Variants in YIPF4 observed in about 807,000 individuals in gnomAD.
The protein encoded by YIPF4 is protein YIPF4.
A neutral mutation model predicts 29.4 loss-of-function variants in YIPF4; 18 were observed. That is an observed-to-expected ratio of 0.61 (90% CI 0.42 to 0.91). YIPF4 has a LOEUF of 0.91. Ranked by LOEUF, YIPF4 falls within the 40% of genes least tolerant of loss-of-function variation. The probability of loss-of-function intolerance (pLI) is 0.00; values close to 1 mark genes in which losing one functional copy is unlikely to be tolerated. For synonymous variants in YIPF4, 115 were observed against 104.7 expected, an observed-to-expected ratio of 1.10 and a Z score of -0.60; for missense variants, 279 against 282.7, an observed-to-expected ratio of 0.99 and a Z score of 0.09.
At chr2:32,286,376 A>G (rs1035415519) in intron 1 of YIPF4, among the ~76,000 whole-genome samples, 1 of 152,134 alleles carries the variant, frequency 6.6e-6, no homozygotes, top group Admixed American at 6.5e-5. Context: ...ATTTAAAGAC[A>G]TAAGACAAAA....
intron 1 of YIPF4, among the ~76,000 whole-genome samples, chr2:32,283,017 C>T (rs1370811113): frequency 6.8e-6 from 1 of 147,982 alleles, no homozygotes; most frequent in Non-Finnish European, 1.5e-5. Context: ...GTGGGGCTTG[C>T]AGTGAGCCAA....
At chr2:32,299,412 A>T (rs1429279650) in intron 4 of YIPF4, among the ~76,000 whole-genome samples, 1 of 152,204 alleles carries the variant, frequency 6.6e-6, no homozygotes, top group East Asian at 1.9e-4. Flanking sequence ...GTTAAGATAT[A>T]TTGTTTTGGC....
At chr2:32,294,274 G>A (rs1486297451) in intron 3 of YIPF4, among the ~76,000 whole-genome samples, 3 of 151,674 alleles carry the variant, frequency 2.0e-5, no homozygotes, top group Admixed American at 2.0e-4. Context: ...CTCAGACGGG[G>A]CGGCTGCCGG....
intron 3 of YIPF4, among the ~76,000 whole-genome samples, chr2:32,293,746 C>T (rs1448451148): frequency 2.2e-4 from 32 of 147,234 alleles, no homozygotes; most frequent in Non-Finnish European, 3.0e-4. Context: ...CCGGACGGGG[C>T]GGCTGGCCGG....
At chr2:32,298,079 T>C (rs888032578) in intron 3 of YIPF4, among the ~76,000 whole-genome samples, 155 bp from the exon 4 acceptor site, 4 of 152,198 alleles carry the variant, frequency 2.6e-5, no homozygotes, top group Admixed American at 6.5e-5. Context: ...TGTATTCTTA[T>C]TAAGTTTTGG....
chr2:32,300,879 C>T (rs533856406), intron 4 of YIPF4, among the ~76,000 whole-genome samples: 88 of 152,320 alleles, frequency 5.8e-4, no homozygotes, highest in African/African-American at 2.0e-3. Flanking sequence ...CATTTACTCT[C>T]CACAGCATGT....
At chr2:32,279,464 C>G (rs1038480789) in intron 1 of YIPF4, among the ~76,000 whole-genome samples, 3 of 130,274 alleles carry the variant, frequency 2.3e-5, no homozygotes, top group Non-Finnish European at 4.7e-5. Context: ...GTGATGCCAT[C>G]TCGGCTCACT....
In YIPF4 at chr2:32,308,142, C is replaced by G. The variant is rs565103700; in HGVS notation, c.*2516C>G. 44 of 151,922 alleles carry G rather than the reference C, an allele frequency of 2.9e-4. No individual in the cohort carries two copies. The highest frequency in any genetic ancestry group is 1.0e-3 in the African/African-American group (43 of 41,482). 9.4% of individuals were successfully genotyped at this position (151,922 alleles called of 1,614,324 possible). A position where few individuals can be genotyped will look rare whatever the true frequency, so the allele number is the denominator to read the frequency against. On this transcript the variant is annotated 3_prime_UTR_variant, in exon 6 of 6. Transcript: ENST00000238831. The stretch of plus-strand genomic sequence containing the variant: ...GTTGTTGTTGTTTGAGACAGAGTCA[C>G]TCTGTCACCCAAGCTGGAGTGCAAT...
intron 3 of YIPF4, among the ~76,000 whole-genome samples, chr2:32,295,697 G>A (rs1309535121): frequency 2.6e-5 from 4 of 152,206 alleles, no homozygotes; most frequent in East Asian, 1.9e-4. Flanking sequence ...TCTGCCTCCC[G>A]GGTTCAAGTG....
At position 32,310,567 on chromosome 2, in the gene YIPF4, AGTTT is replaced by A. The variant is rs2031697464; in HGVS notation, c.*4947_*4950del. On this transcript the variant is annotated 3_prime_UTR_variant, in exon 6 of 6. Coordinates refer to ENST00000238831, the MANE Select transcript of YIPF4 (RefSeq NM_032312.4). The stretch of plus-strand genomic sequence containing the variant: ...CTGACAGTACTGTATTTTCAATCCT[AGTTT>A]GTTTGGGAAAAAAAAATTGTTTGTA... The A allele has an allele frequency of 6.6e-6, 1 of 152,000 alleles. No individual in the cohort carries two copies. Among genetic ancestry groups the A allele is most frequent in the Non-Finnish European group, 1.5e-5 (1 of 67,994 alleles). 9.4% of individuals were successfully genotyped at this position (152,000 alleles called of 1,614,324 possible).
chr2:32,295,541 C>A (rs1219467830), intron 3 of YIPF4, among the ~76,000 whole-genome samples: 1 of 152,176 alleles, frequency 6.6e-6, no homozygotes, highest in Non-Finnish European at 1.5e-5. Context: ...CTGGCTGCGT[C>A]ACTATGATCT....
chr2:32,315,050 T>A lies in YIPF4; in HGVS notation c.*9424T>A, dbSNP rs527370790. 2.0e-5 allele frequency: 3 copies of A among 152,240 alleles called. No individual in the cohort carries two copies. The highest frequency in any genetic ancestry group is 4.4e-5 in the Non-Finnish European group (3 of 68,044). The allele number at this position is 152,240 out of a possible 1,614,324, so 9.4% of individuals were successfully genotyped here. On this transcript the variant is annotated 3_prime_UTR_variant, in exon 6 of 6. Transcript: ENST00000238831. ...AAGGTTACATAATCCATAACTGATA[T>A]GGCAGTTTAACAGTGTTATTAAGAA...
intron 1 of YIPF4, among the ~76,000 whole-genome samples, chr2:32,278,663 G>C (rs1573519950): frequency 6.6e-6 from 1 of 152,114 alleles, no homozygotes; most frequent in African/African-American, 2.4e-5. Flanking sequence ...ATTTTTTGGG[G>C]GGGGTCTGGG....
At chr2:32,278,363 C>T in intron 1 of YIPF4, 129 bp downstream of exon 1, 1 of 885,608 alleles carries the variant, frequency 1.1e-6, no homozygotes, top group Non-Finnish European at 1.7e-6. Context: ...GACTGCAGCC[C>T]ACCACGCCTG....
chr2:32,301,238 TGAAATAATGAGTATAATA>T, intron 4 of YIPF4, 126 bp from the exon 5 acceptor site: 1 of 570,740 alleles, frequency 1.8e-6, no homozygotes, highest in Non-Finnish European at 3.1e-6. Context: ...TATGATATTT[TGAAATAATGAGTATAATA>T]GTTTATGATT....
intron 1 of YIPF4, among the ~76,000 whole-genome samples, chr2:32,285,279 A>G (rs1176404092): frequency 1.3e-5 from 2 of 152,280 alleles, no homozygotes; most frequent in Admixed American, 6.5e-5. Flanking sequence ...TCATTTAATG[A>G]AAAAAATGGA....
At chr2:32,278,664 G>A (rs2030227992) in intron 1 of YIPF4, among the ~76,000 whole-genome samples, 1 of 152,102 alleles carries the variant, frequency 6.6e-6, no homozygotes, top group Admixed American at 6.6e-5. Context: ...TTTTTTGGGG[G>A]GGGTCTGGGA....
rs1450488107 is a variant in YIPF4, at chr2:32,313,216, G to C, written c.*7590G>C. 1 of 152,148 alleles carries C rather than the reference G, an allele frequency of 6.6e-6. No homozygotes were observed. Among genetic ancestry groups the C allele is most frequent in the African/African-American group, 2.4e-5 (1 of 41,438 alleles). The allele number at this position is 152,148 out of a possible 1,614,324, so 9.4% of individuals were successfully genotyped here. On this transcript the variant is annotated 3_prime_UTR_variant, in exon 6 of 6. Coordinates refer to ENST00000238831, the MANE Select transcript of YIPF4 (RefSeq NM_032312.4). The stretch of plus-strand genomic sequence containing the variant: ...AAAGTTAACTAGGCAAAGAAGGTAG[G>C]GAAGACTCTTTCAGATAGAATCGCA...
intron 1 of YIPF4, 45 bp from the exon 2 acceptor site, chr2:32,290,438 A>G (rs868262133): frequency 1.5e-6 from 2 of 1,349,836 alleles, no homozygotes; most frequent in Middle Eastern, 2.0e-4. Context: ...TAAGATTCAC[A>G]TGTTGTGCCT....
Sources: gnomAD v4.1 joint callset for allele counts (sites outside exome capture counted in the v4.1 genomes callset) on GRCh38, gnomAD v4.1.1 for gene constraint, MANE v1.5 for transcripts, NCBI Gene and HGNC (gene_info 2026-07-23, HGNC 2026-07-21) for gene names.